Variants in WWOX observed in about 807,000 individuals in gnomAD.
WWOX encodes WW domain containing oxidoreductase, also known as WW domain-containing oxidoreductase.
Under a neutral mutation model 46.2 loss-of-function variants are expected in WWOX, and 69 were observed. The ratio of observed to expected loss-of-function variants is 1.49; its 90% CI spans 1.23 to 1.82. WWOX has a LOEUF of 1.82. WWOX is among the 40% of genes most tolerant of loss of function. The pLI is 0.00. For missense variants in WWOX, 919 were observed against 542.6 expected (o/e 1.69, Z -6.89); for synonymous variants, 359 against 202.6 (o/e 1.77, Z -6.56).
At chr16:78,603,133 T>C (rs970389185) in intron 8 of WWOX, among the ~76,000 whole-genome samples, 2 of 152,234 alleles carry the variant, frequency 1.3e-5, no homozygotes, top group Non-Finnish European at 2.9e-5. Context: ...GCCCCCACTC[T>C]TGGGCAAGGC....
In WWOX at chr16:78,544,529, G is replaced by T. The variant is rs560058114; in HGVS notation, c.1056+111777G>T. Among the ~76,000 whole-genome samples, 3 of 152,264 alleles carry T rather than the reference G, an allele frequency of 2.0e-5. No individual in the cohort carries two copies. The East Asian group carries it at 5.8e-4, about 29-fold the overall frequency. ...AGAGTTGTAATTCCCATGCAGAACTGTGTGGCATCAAAGCCATTTTTTAAC... is the reference window on the plus strand; with the variant it reads ...AGAGTTGTAATTCCCATGCAGAACTTTGTGGCATCAAAGCCATTTTTTAAC... On this transcript the variant is annotated intron_variant, in intron 8 of 8. Transcript: ENST00000566780.
intron 5 of WWOX, among the ~76,000 whole-genome samples, chr16:78,215,692 C>T (rs1267306219): frequency 2.6e-5 from 4 of 152,134 alleles, no homozygotes; most frequent in Admixed American, 1.3e-4. Context: ...CTTTAGGAGG[C>T]CGAGGCAGAT....
At chr16:78,549,857 A>G (rs1454463452) in intron 8 of WWOX, among the ~76,000 whole-genome samples, 1 of 152,174 alleles carries the variant, frequency 6.6e-6, no homozygotes, top group Non-Finnish European at 1.5e-5. Flanking sequence ...CCCCATCAGA[A>G]TTGGGGAATC....
intron 5 of WWOX, among the ~76,000 whole-genome samples, chr16:78,209,449 T>C (rs1014551519): frequency 6.6e-6 from 1 of 152,238 alleles, no homozygotes; most frequent in African/African-American, 2.4e-5. Flanking sequence ...CAAGTCTGTT[T>C]TTTATGAATA....
chr16:78,597,664 ACC>A (rs1319306896), intron 8 of WWOX, among the ~76,000 whole-genome samples: 3 of 151,854 alleles, frequency 2.0e-5, no homozygotes, highest in African/African-American at 7.3e-5. Flanking sequence ...TGCTTTCCAA[ACC>A]CCTAAATTGT....
intron 8 of WWOX, among the ~76,000 whole-genome samples, chr16:78,915,544 C>G (rs915643863): frequency 1.3e-5 from 2 of 152,090 alleles, no homozygotes; most frequent in Non-Finnish European, 2.9e-5. Context: ...TAGCAGGGGA[C>G]TGGGCATTTG....
At chr16:78,930,716 A>C (rs1176236971) in intron 8 of WWOX, among the ~76,000 whole-genome samples, 1 of 152,062 alleles carries the variant, frequency 6.6e-6, no homozygotes, top group African/African-American at 2.4e-5. Context: ...GAATGAAAAA[A>C]TGAGTGAGTA....
At chr16:78,416,086 C>A (rs192338827) in intron 6 of WWOX, among the ~76,000 whole-genome samples, 1 of 152,266 alleles carries the variant, frequency 6.6e-6, no homozygotes, top group East Asian at 1.9e-4. Context: ...TCACCTCTCA[C>A]AGATGAGAAT....
chr16:78,555,468 A>G lies in WWOX; in HGVS notation c.1056+122716A>G, dbSNP rs952338242. Among the ~76,000 whole-genome samples the G allele has an allele frequency of 4.6e-5, 7 of 151,986 alleles. No homozygotes were observed. The South Asian group carries it at 8.3e-4, about 18-fold the overall frequency. On this transcript the variant is annotated intron_variant, in intron 8 of 8. Coordinates refer to ENST00000566780, the MANE Select transcript of WWOX (RefSeq NM_016373.4). Reference sequence around the variant, plus strand: ...AAATTACTTATTCTCTTTGCACCTCAGTGTATTCTTCTGACTAATGGGGAC... The same window carrying G: ...AAATTACTTATTCTCTTTGCACCTCGGTGTATTCTTCTGACTAATGGGGAC...
chr16:78,762,992 G>A (rs1314682879), intron 8 of WWOX, among the ~76,000 whole-genome samples: 1 of 152,172 alleles, frequency 6.6e-6, no homozygotes, highest in African/African-American at 2.4e-5. Context: ...GGGACCAGAT[G>A]AGCAATAGAT....
chr16:78,306,248 T>C (rs1377467551), intron 5 of WWOX, among the ~76,000 whole-genome samples: 1 of 152,210 alleles, frequency 6.6e-6, no homozygotes. Context: ...TATGGAATAA[T>C]AACATTCATG....
At chr16:78,494,396 C>A (rs373163597) in intron 8 of WWOX, among the ~76,000 whole-genome samples, 1 of 152,142 alleles carries the variant, frequency 6.6e-6, no homozygotes. Context: ...AAGTTGGCAA[C>A]CAGAGGCTTA....
intron 8 of WWOX, among the ~76,000 whole-genome samples, chr16:78,968,783 A>G (rs1242343573): frequency 5.3e-5 from 8 of 152,142 alleles, no homozygotes; most frequent in African/African-American, 1.9e-4. Flanking sequence ...GCTATTGGAG[A>G]TAGCACAGAT....
At chr16:78,591,410 T>C (rs181307606) in intron 8 of WWOX, among the ~76,000 whole-genome samples, 181 of 152,274 alleles carry the variant, frequency 1.2e-3, no homozygotes, top group African/African-American at 4.2e-3. Flanking sequence ...CACAACTGTC[T>C]CCAGTGGCCA....
chr16:78,592,000 G>C (rs1386369733), intron 8 of WWOX, among the ~76,000 whole-genome samples: 1 of 152,162 alleles, frequency 6.6e-6, no homozygotes, highest in African/African-American at 2.4e-5. Context: ...TAGATATCCA[G>C]ATTGATTATC....
chr16:78,156,891 G>A (rs1197456339), intron 4 of WWOX, among the ~76,000 whole-genome samples: 1 of 152,100 alleles, frequency 6.6e-6, no homozygotes, highest in Non-Finnish European at 1.5e-5. Flanking sequence ...AGATTGCACC[G>A]CTGCACTCCA....
chr16:78,760,455 C>T (rs1331835797), intron 8 of WWOX, among the ~76,000 whole-genome samples: 1 of 152,190 alleles, frequency 6.6e-6, no homozygotes, highest in Non-Finnish European at 1.5e-5. Context: ...TGCAAGGTAG[C>T]ATACTCACAG....
In WWOX at chr16:78,691,416, G is replaced by C. The variant is rs370158140; in HGVS notation, c.1056+258664G>C. ...TACAGGGTGCTTTAGAAAACATCTG[G>C]CTGGGCATGGTGGTTCACACCTGTA... is the stretch of plus-strand genomic sequence containing the variant. On this transcript the variant is annotated intron_variant, in intron 8 of 8. Transcript: ENST00000566780. 2.5e-5 allele frequency: 16 copies of C among 634,810 alleles called. No individual in the cohort carries two copies. In the South Asian group the frequency reaches 2.6e-4, roughly 10 times the overall value. 39.3% of individuals were successfully genotyped at this position (634,810 alleles called of 1,614,324 possible).
chr16:78,887,115 T>C (rs1268054248), intron 8 of WWOX, among the ~76,000 whole-genome samples: 1 of 105,636 alleles, frequency 9.5e-6, no homozygotes, highest in Non-Finnish European at 2.3e-5. Flanking sequence ...TGTGTGTGTG[T>C]GTGTGTGTGT....
Sources: allele counts gnomAD v4.1 joint callset (sites outside exome capture counted in the v4.1 genomes callset), GRCh38; gene constraint gnomAD v4.1.1; transcripts MANE v1.5; gene names NCBI Gene and HGNC (gene_info 2026-07-23, HGNC 2026-07-21).